LUZP2: variants seen among roughly 807,000 people sequenced by gnomAD.
LUZP2 encodes the protein leucine zipper protein 2.
Under a neutral mutation model 51.6 loss-of-function variants are expected in LUZP2, and 52 were observed. The observed-to-expected ratio is 1.01, with a 90% CI of 0.81 to 1.27. The LOEUF is 1.27. LUZP2 is among the 50% of genes most tolerant of loss of function. The probability of loss-of-function intolerance (pLI) is 0.00; values close to 1 mark genes in which losing one functional copy is unlikely to be tolerated. For missense variants in LUZP2, 436 were observed against 395.4 expected (o/e 1.10, Z -0.87); for synonymous variants, 154 against 137.3 (o/e 1.12, Z -0.85).
At chr11:24,680,973 ATTTT>A (rs67751061) in intron 1 of LUZP2, among the ~76,000 whole-genome samples, 8 of 113,672 alleles carry the variant, frequency 7.0e-5, no homozygotes, top group Non-Finnish European at 1.1e-4. Flanking sequence ...TTCTTTCTTT[ATTTT>A]TTTTTTTTTT....
intron 1 of LUZP2, among the ~76,000 whole-genome samples, chr11:24,562,515 G>A (rs2133775243): frequency 6.6e-6 from 1 of 151,972 alleles, no homozygotes; most frequent in East Asian, 1.9e-4. Flanking sequence ...TTTCGAGATA[G>A]ATGTAAGTCT....
chr11:24,542,802 A>C (rs968586244), intron 1 of LUZP2, among the ~76,000 whole-genome samples: 12 of 152,054 alleles, frequency 7.9e-5, no homozygotes, highest in African/African-American at 2.9e-4. Context: ...CAATCAATGC[A>C]AAAGACTACA....
intron 9 of LUZP2, among the ~76,000 whole-genome samples, chr11:25,044,209 GTA>G (rs370084760): frequency 0.079 from 10,718 of 135,604 alleles, 1,332 homozygotes; most frequent in African/African-American, 0.26. Flanking sequence ...ATATGTATGT[GTA>G]TATATATATG....
intron 1 of LUZP2, among the ~76,000 whole-genome samples, chr11:24,574,984 A>G (rs985413997): frequency 1.3e-5 from 2 of 152,100 alleles, no homozygotes; most frequent in African/African-American, 4.8e-5. Flanking sequence ...TTGAGGGGAG[A>G]GTTGAGGTTG....
chr11:24,657,063 A>G (rs946435997), intron 1 of LUZP2, among the ~76,000 whole-genome samples: 1 of 152,170 alleles, frequency 6.6e-6, no homozygotes, highest in African/African-American at 2.4e-5. Context: ...CTCAGATACT[A>G]TATCCTGGAA....
chr11:24,506,849 A>G (rs974020763), intron 1 of LUZP2, among the ~76,000 whole-genome samples: 7 of 152,114 alleles, frequency 4.6e-5, no homozygotes, highest in Non-Finnish European at 8.8e-5. Context: ...GAATGGCTTT[A>G]TGAATGAAAC....
At chr11:24,752,456 C>T (rs912275693) in intron 4 of LUZP2, among the ~76,000 whole-genome samples, 1 of 152,090 alleles carries the variant, frequency 6.6e-6, no homozygotes, top group Non-Finnish European at 1.5e-5. Flanking sequence ...AAATACTGTA[C>T]TCAAAAACAG....
intron 5 of LUZP2, among the ~76,000 whole-genome samples, chr11:24,827,450 G>A (rs1850576922): frequency 6.6e-6 from 1 of 151,992 alleles, no homozygotes; most frequent in Non-Finnish European, 1.5e-5. Context: ...CAATGAGGAG[G>A]GCAAAATTTC....
intron 5 of LUZP2, among the ~76,000 whole-genome samples, chr11:24,861,299 C>T (rs1407624461): frequency 1.3e-5 from 2 of 151,990 alleles, no homozygotes; most frequent in Admixed American, 1.3e-4. Flanking sequence ...AAATATGGGA[C>T]TTCATAAAAG....
chr11:24,825,893 T>C (rs1850509555), intron 5 of LUZP2, among the ~76,000 whole-genome samples: 1 of 151,880 alleles, frequency 6.6e-6, no homozygotes, highest in Non-Finnish European at 1.5e-5. Flanking sequence ...TTAAAAATTA[T>C]AATAAAAGTT....
chr11:24,940,071 T>C (rs10834549), intron 7 of LUZP2, among the ~76,000 whole-genome samples: 75,110 of 151,430 alleles, frequency 0.5, 19,011 homozygotes, highest in East Asian at 0.82. Context: ...TTTGACTGTA[T>C]GGTGAATATA....
intron 1 of LUZP2, among the ~76,000 whole-genome samples, chr11:24,659,730 T>C (rs1855951537): frequency 6.6e-6 from 1 of 152,106 alleles, no homozygotes; most frequent in South Asian, 2.1e-4. Context: ...TAAAATATTT[T>C]TAAAATTGTG....
At chr11:24,523,340 T>TA (rs61056094) in intron 1 of LUZP2, among the ~76,000 whole-genome samples, 13,590 of 151,656 alleles carry the variant, frequency 0.09, 606 homozygotes, top group East Asian at 0.11. Context: ...GTAGAAAATG[T>TA]AAAAAAATGC....
intron 9 of LUZP2, among the ~76,000 whole-genome samples, chr11:25,009,673 T>A (rs974623632): frequency 5.3e-5 from 8 of 152,220 alleles, no homozygotes; most frequent in Admixed American, 2.0e-4. Context: ...ATTTTGAGAT[T>A]ATCTGAAATG....
intron 6 of LUZP2, among the ~76,000 whole-genome samples, chr11:24,908,404 A>G (rs1427039334): frequency 2.0e-5 from 3 of 152,212 alleles, no homozygotes; most frequent in African/African-American, 7.2e-5. Flanking sequence ...AAAATATCCT[A>G]TCATGGCTGC....
At chr11:24,529,371 T>C (rs893242954) in intron 1 of LUZP2, among the ~76,000 whole-genome samples, 2 of 151,038 alleles carry the variant, frequency 1.3e-5, no homozygotes, top group Non-Finnish European at 3.0e-5. Flanking sequence ...CCATGAGATA[T>C]TAGCTTTCCA....
intron 1 of LUZP2, among the ~76,000 whole-genome samples, chr11:24,607,677 C>T (rs35440005): frequency 0.021 from 3,241 of 152,024 alleles, 44 homozygotes; most frequent in African/African-American, 0.034. Context: ...GTGAAAAATA[C>T]TGTTGGAGCC....
intron 11 of LUZP2, among the ~76,000 whole-genome samples, chr11:25,077,805 G>A (rs145629343): frequency 1.7e-3 from 261 of 152,100 alleles, no homozygotes; most frequent in African/African-American, 5.9e-3. Context: ...CAGATCCATG[G>A]TATTTAACAC....
intron 1 of LUZP2, among the ~76,000 whole-genome samples, chr11:24,683,681 G>T (rs895697887): frequency 2.6e-5 from 4 of 152,076 alleles, no homozygotes; most frequent in Non-Finnish European, 4.4e-5. Flanking sequence ...AAGGAGATTT[G>T]GTTTATTTGA....
Sources: allele counts gnomAD v4.1 joint callset (sites outside exome capture counted in the v4.1 genomes callset), GRCh38; gene constraint gnomAD v4.1.1; transcripts MANE v1.5; gene names NCBI Gene and HGNC (gene_info 2026-07-23, HGNC 2026-07-21).